The following MAML3 variants were observed in gnomAD, a reference collection of about 807,000 sequenced individuals.
MAML3 encodes the protein mastermind like transcriptional coactivator 3, also known as mastermind-like protein 3.
Under a neutral mutation model 101.9 loss-of-function variants are expected in MAML3, and 27 were observed. The observed-to-expected ratio is 0.27, with a 90% CI of 0.20 to 0.37. The LOEUF (loss-of-function observed/expected upper bound fraction) is 0.37. MAML3 is among the 10% of genes least tolerant of loss of function. MAML3 has a pLI of 1.00. For missense variants in MAML3, 1,316 were observed against 1,444.9 expected (o/e 0.91, Z 1.45); for synonymous variants, 501 against 555.9 (o/e 0.90, Z 1.39).
chr4:139,725,324 A>G (rs1378056496), intron 4 of MAML3, among the ~76,000 whole-genome samples: 1 of 152,222 alleles, frequency 6.6e-6, no homozygotes, highest in Non-Finnish European at 1.5e-5. Context: ...CTGCTGGGAT[A>G]AGCAAAAAAG....
intron 1 of MAML3, among the ~76,000 whole-genome samples, chr4:140,096,296 T>C (rs1456045787): frequency 6.6e-6 from 1 of 152,206 alleles, no homozygotes; most frequent in Non-Finnish European, 1.5e-5. Context: ...TTAGACATCC[T>C]TTATTCTCCA....
intron 2 of MAML3, among the ~76,000 whole-genome samples, chr4:139,756,716 T>C (rs3796632): frequency 0.072 from 10,937 of 152,268 alleles, 751 homozygotes; most frequent in East Asian, 0.38. Flanking sequence ...TTGCTCTGAA[T>C]TGAGTTAATG....
chr4:140,137,900 G>C (rs1015487157), intron 1 of MAML3, among the ~76,000 whole-genome samples: 1 of 152,212 alleles, frequency 6.6e-6, no homozygotes, highest in Non-Finnish European at 1.5e-5. Context: ...TGGAGGGCAC[G>C]AAGGCATGAT....
intron 2 of MAML3, among the ~76,000 whole-genome samples, chr4:139,855,264 G>A (rs2111159621): frequency 6.6e-6 from 1 of 152,296 alleles, no homozygotes; most frequent in Non-Finnish European, 1.5e-5. Context: ...AAATCTCAGG[G>A]TCTGACACAT....
At chr4:139,975,044 T>C (rs2110798786) in intron 1 of MAML3, among the ~76,000 whole-genome samples, 1 of 152,232 alleles carries the variant, frequency 6.6e-6, no homozygotes, top group South Asian at 2.1e-4. Context: ...TATGACGACT[T>C]GGTGACATGA....
chr4:139,775,147 C>T (rs74702501), intron 2 of MAML3, among the ~76,000 whole-genome samples: 2,388 of 152,290 alleles, frequency 0.016, 27 homozygotes, highest in Middle Eastern at 0.051. Flanking sequence ...TTATACTGCT[C>T]CTTCCTTAGC....
At chr4:140,067,304 T>G (rs1270841183) in intron 1 of MAML3, among the ~76,000 whole-genome samples, 2 of 152,074 alleles carry the variant, frequency 1.3e-5, no homozygotes, top group Non-Finnish European at 2.9e-5. Flanking sequence ...AGGATTTAAT[T>G]TACTCTACTG....
At chr4:139,907,248 T>A (rs1162237824) in intron 1 of MAML3, among the ~76,000 whole-genome samples, 1 of 152,252 alleles carries the variant, frequency 6.6e-6, no homozygotes, top group Non-Finnish European at 1.5e-5. Flanking sequence ...CAGCAGTTAC[T>A]TAACCTTTCC....
At chr4:139,978,803 A>T (rs1578626354) in intron 1 of MAML3, among the ~76,000 whole-genome samples, 1 of 151,952 alleles carries the variant, frequency 6.6e-6, no homozygotes, top group Non-Finnish European at 1.5e-5. Context: ...AGACCTTGCC[A>T]GTCAGCCTGC....
chr4:140,080,198 G>A (rs368168682), intron 1 of MAML3, among the ~76,000 whole-genome samples: 3 of 152,324 alleles, frequency 2.0e-5, no homozygotes, highest in East Asian at 3.9e-4. Flanking sequence ...AGAAAGAATG[G>A]GAGGCAAAGA....
Position 139,889,736 on chromosome 4 carries a change from T to C in MAML3, c.1700A>G (p.Asn567Ser), listed in dbSNP as rs1393416382. Reference protein sequence around the residue: ...MANNLQKTTMNNYLPQNHMNM... With the variant: ...MANNLQKTTMSNYLPQNHMNM... ...CATGTGATTCTGAGGGAGGTAGTTA[T>C]TCATTGTTGTCTTCTGCAGGTTGTT... is the stretch of plus-strand genomic sequence containing the variant. Residue 567 changes from asparagine to serine, a missense_variant, in exon 2 of 5, where the codon AAT (asparagine) becomes AGT (serine). Asn to Ser is a conservative substitution (Grantham distance 46). Coordinates refer to ENST00000509479, the MANE Select transcript of MAML3 (RefSeq NM_018717.5). 1 of 1,613,920 alleles carries C rather than the reference T, an allele frequency of 6.2e-7. No homozygotes were observed. Among genetic ancestry groups the C allele is most frequent in the Non-Finnish European group, 8.5e-7 (1 of 1,179,906 alleles).
chr4:139,879,063 T>C (rs1449626923), intron 2 of MAML3, among the ~76,000 whole-genome samples: 1 of 152,206 alleles, frequency 6.6e-6, no homozygotes, highest in African/African-American at 2.4e-5. Context: ...CTTTGTCCTA[T>C]TCAGAGAATC....
intron 1 of MAML3, among the ~76,000 whole-genome samples, chr4:140,152,343 T>G (rs939205606): frequency 3.9e-5 from 6 of 152,114 alleles, no homozygotes; most frequent in African/African-American, 1.2e-4. Context: ...GCTTCCCCCC[T>G]AGGGGTTGAG....
chr4:139,958,249 G>C (rs999477103), intron 1 of MAML3, among the ~76,000 whole-genome samples: 2 of 152,110 alleles, frequency 1.3e-5, no homozygotes, highest in African/African-American at 2.4e-5. Flanking sequence ...ATCTTATATG[G>C]AGAATGTTTA....
intron 2 of MAML3, among the ~76,000 whole-genome samples, chr4:139,762,468 T>G (rs992908711): frequency 6.6e-6 from 1 of 152,228 alleles, no homozygotes; most frequent in Non-Finnish European, 1.5e-5. Context: ...GTACCTTTGC[T>G]TTTGTGGCTG....
intron 2 of MAML3, among the ~76,000 whole-genome samples, chr4:139,818,354 C>A (rs961796069): frequency 2.0e-5 from 3 of 152,224 alleles, no homozygotes; most frequent in Admixed American, 1.3e-4. Context: ...TGTGGTTAAA[C>A]TCCTGTGCCT....
intron 3 of MAML3, among the ~76,000 whole-genome samples, chr4:139,729,314 T>C (rs1728606390): frequency 6.6e-6 from 1 of 152,072 alleles, no homozygotes; most frequent in African/African-American, 2.4e-5. Context: ...CGGTGGTGGA[T>C]GCTTAGTAAA....
chr4:139,912,930 G>A (rs1423585711), intron 1 of MAML3, among the ~76,000 whole-genome samples: 1 of 151,632 alleles, frequency 6.6e-6, no homozygotes, highest in East Asian at 1.9e-4. Flanking sequence ...TGTTATGGCA[G>A]CCCTAGGAAC....
intron 1 of MAML3, among the ~76,000 whole-genome samples, chr4:140,102,055 A>C (rs2110997617): frequency 1.3e-5 from 2 of 152,348 alleles, no homozygotes; most frequent in South Asian, 4.1e-4. Context: ...TTGAAACTTA[A>C]CATGTATAAA....
Sources: allele counts gnomAD v4.1 joint callset (sites outside exome capture counted in the v4.1 genomes callset), GRCh38; gene constraint gnomAD v4.1.1; transcripts MANE v1.5; gene names NCBI Gene and HGNC (gene_info 2026-07-23, HGNC 2026-07-21).